The following IL2RA variants were observed in gnomAD, a reference collection of about 807,000 sequenced individuals.
The protein encoded by IL2RA is interleukin 2 receptor subunit alpha.
Under a neutral mutation model 37.8 loss-of-function variants are expected in IL2RA, and 24 were observed. The ratio of observed to expected loss-of-function variants is 0.63; its 90% CI spans 0.46 to 0.89. IL2RA has a LOEUF of 0.89. IL2RA is among the 40% of genes least tolerant of loss of function. IL2RA has a pLI of 0.00. For synonymous variants in IL2RA, 125 were observed against 114.6 expected (o/e 1.09, Z -0.58); for missense variants, 319 against 348.6 (o/e 0.92, Z 0.68).
At chr10:6,051,953 T>A (rs1839970453) in intron 1 of IL2RA, among the ~76,000 whole-genome samples, 1 of 150,614 alleles carries the variant, frequency 6.6e-6, no homozygotes, top group Non-Finnish European at 1.5e-5. Context: ...CTTTTAGGAT[T>A]GGAGAACGGT....
Position 6,028,866 on chromosome 10 carries a change from G to A in IL2RA, c.65-2841C>T, listed in dbSNP as rs1839526935. 6.6e-6 allele frequency among the ~76,000 whole-genome samples: 1 copy of A among 151,964 alleles called. No homozygotes were observed. The highest frequency in any genetic ancestry group is 6.6e-5 in the Admixed American group (1 of 15,260). On this transcript the variant is annotated intron_variant, in intron 1 of 7. Coordinates refer to ENST00000379959, the MANE Select transcript of IL2RA (RefSeq NM_000417.3). The surrounding 1 kb of genome is among the most constrained non-coding windows in gnomAD (Gnocchi z 4.1). ...TACAAAAGATCAGCCGAGTGTGGCAGCGCATGTCTGTAGTCCCAGGTACTT... is the reference window on the plus strand; with the variant it reads ...TACAAAAGATCAGCCGAGTGTGGCAACGCATGTCTGTAGTCCCAGGTACTT...
intron 2 of IL2RA, among the ~76,000 whole-genome samples, chr10:6,024,772 C>T (rs969524124): frequency 2.0e-5 from 3 of 152,198 alleles, no homozygotes; most frequent in Non-Finnish European, 4.4e-5. Flanking sequence ...ACACACTGAT[C>T]CTTTGCTCCC....
chr10:6,024,259 G>C lies in IL2RA; in HGVS notation c.352C>G (p.Gln118Glu), dbSNP rs1228843999. 2 of 1,610,540 alleles carry C rather than the reference G, an allele frequency of 1.2e-6. No individual in the cohort carries two copies. The highest frequency in any genetic ancestry group is 2.7e-5 in the African/African-American group (2 of 74,844). Reference sequence around the variant, plus strand: ...CATCTCTCACCTGGAAGGCTCGCTTGGTCCACTGGCTGCATTGGACTTTGC... The same window carrying C: ...CATCTCTCACCTGGAAGGCTCGCTTCGTCCACTGGCTGCATTGGACTTTGC... ...EMQSPMQPVD[Q>E]ASLPGHCREP... Residue 118 changes from glutamine to glutamate, a missense_variant, in exon 3 of 8, where the codon CAA (glutamine) becomes GAA (glutamate). By Grantham distance (29) the Gln-to-Glu change is conservative (BLOSUM62 2). Coordinates refer to ENST00000379959, the MANE Select transcript of IL2RA (RefSeq NM_000417.3).
rs768536539 is a variant in IL2RA at position 6,018,245 on chromosome 10, C to A, written c.728-126G>T. 6.8e-6 allele frequency: 5 copies of A among 737,504 alleles called. No individual in the cohort carries two copies. Among genetic ancestry groups the A allele is most frequent in the Non-Finnish European group, 1.2e-5 (5 of 409,044 alleles). 45.7% of individuals were successfully genotyped at this position (737,504 alleles called of 1,614,324 possible). A position where few individuals can be genotyped will look rare whatever the true frequency, so the allele number is the denominator to read the frequency against. On this transcript the variant is annotated intron_variant, in intron 6 of 7. Coordinates refer to ENST00000379959, the MANE Select transcript of IL2RA (RefSeq NM_000417.3). The surrounding 1 kb of genome is among the most constrained non-coding windows in gnomAD (Gnocchi z 5.1). ...AAGGCGGAGGCTGCAGCCTCTCTTCCCTGTCTCAGGAAGTAGGTCCCTCCC... is the reference window on the plus strand; with the variant it reads ...AAGGCGGAGGCTGCAGCCTCTCTTCACTGTCTCAGGAAGTAGGTCCCTCCC...
chr10:6,024,535 G>C (rs1839447628), intron 2 of IL2RA, among the ~76,000 whole-genome samples, 181 bp from the exon 3 acceptor site: 1 of 152,168 alleles, frequency 6.6e-6, no homozygotes, highest in South Asian at 2.1e-4. Flanking sequence ...CGGCCTCTGG[G>C]TATTCAAGTG....
At position 6,020,785 on chromosome 10, in the gene IL2RA, G is replaced by A. The variant is rs7900385; in HGVS notation, c.583+693C>T. Among the ~76,000 whole-genome samples, 18,708 of 152,100 alleles carry A rather than the reference G, an allele frequency of 0.12. 1,255 individuals carry two copies. The highest frequency in any genetic ancestry group is 0.16 in the Non-Finnish European group (10,592 of 67,988). On this transcript the variant is annotated intron_variant, in intron 4 of 7. Coordinates refer to ENST00000379959, the MANE Select transcript of IL2RA (RefSeq NM_000417.3). The surrounding 1 kb of genome is among the most constrained non-coding windows in gnomAD (Gnocchi z 5.6). ...TGACCTAAAGTGATCTGCCCGCCTT[G>A]GCCTCCCAGAGTGCTGGGATTACAG...
In IL2RA at chr10:6,021,651, T is replaced by G; in HGVS notation, c.410A>C (p.Glu137Ala). 6.2e-7 allele frequency: 1 copy of G among 1,614,100 alleles called. No homozygotes were observed. The highest frequency in any genetic ancestry group is 8.5e-7 in the Non-Finnish European group (1 of 1,180,006). The change falls in exon 4 of 8, where the codon GAG (glutamate) becomes GCG (alanine). Residue 137 changes from glutamate to alanine, a missense_variant. Transcript: ENST00000379959. The surrounding 1 kb of genome is among the most constrained non-coding windows in gnomAD (Gnocchi z 4.9). ...CCCCACCACGAAATGATAAATTCTC[T>G]CTGTGGCTTCATTTTCCCATGGTGG... Reference protein sequence around the residue: ...EPPPWENEATERIYHFVVGQM... With the variant: ...EPPPWENEATARIYHFVVGQM...
Position 6,018,248 on chromosome 10 carries a change from G to C in IL2RA, c.728-129C>G, listed in dbSNP as rs74162098. 280 of 722,074 alleles carry C rather than the reference G, an allele frequency of 3.9e-4. No individual in the cohort carries two copies. The highest frequency in any genetic ancestry group is 6.5e-4 in the Non-Finnish European group (256 of 396,390). The allele number at this position is 722,074 out of a possible 1,614,324, so 44.7% of individuals were successfully genotyped here. On this transcript the variant is annotated intron_variant, in intron 6 of 7. Coordinates refer to ENST00000379959, the MANE Select transcript of IL2RA (RefSeq NM_000417.3). This position sits in a 1 kb window ranked among gnomAD's most constrained non-coding sequence, Gnocchi z 5.1. ...GCGGAGGCTGCAGCCTCTCTTCCCT[G>C]TCTCAGGAAGTAGGTCCCTCCCCAT...
intron 1 of IL2RA, among the ~76,000 whole-genome samples, chr10:6,055,156 C>A (rs1022638632): frequency 6.6e-6 from 1 of 152,212 alleles, no homozygotes; most frequent in Non-Finnish European, 1.5e-5. Flanking sequence ...AACCCCTGAC[C>A]TCCCGAGTCA....
intron 1 of IL2RA, among the ~76,000 whole-genome samples, chr10:6,027,509 G>T (rs1839504537): frequency 6.6e-6 from 1 of 152,248 alleles, no homozygotes; most frequent in African/African-American, 2.4e-5. Flanking sequence ...TGGTGGGAAG[G>T]AGAAAGATGG....
In IL2RA at chr10:6,058,971, CA is replaced by C. The variant is rs775922910; in HGVS notation, c.64+3116del. On this transcript the variant is annotated intron_variant, in intron 1 of 7. Transcript: ENST00000379959. This position sits in a 1 kb window ranked among gnomAD's most constrained non-coding sequence, Gnocchi z 4.2. Reference sequence around the variant, plus strand: ...AGAATGAAAATCTGCCCTTATGAATCAGCTAGAAATTGCATCTGTTGACAGT... The same window carrying C: ...AGAATGAAAATCTGCCCTTATGAATCGCTAGAAATTGCATCTGTTGACAGT... Among the ~76,000 whole-genome samples the C allele has an allele frequency of 2.6e-5, 4 of 152,220 alleles. No individual in the cohort carries two copies. The highest frequency in any genetic ancestry group is 5.9e-5 in the Non-Finnish European group (4 of 68,046).
intron 1 of IL2RA, among the ~76,000 whole-genome samples, chr10:6,055,160 C>T (rs888153647): frequency 4.6e-5 from 7 of 152,312 alleles, no homozygotes; most frequent in Admixed American, 2.0e-4. Context: ...CCTGACCTCC[C>T]GAGTCAGAAT....
At chr10:6,037,703 C>T (rs923709580) in intron 1 of IL2RA, among the ~76,000 whole-genome samples, 8 of 152,122 alleles carry the variant, frequency 5.3e-5, no homozygotes, top group South Asian at 2.1e-4. Flanking sequence ...CCTCTTGTTC[C>T]GCTCACTGCC....
Position 6,014,911 on chromosome 10 carries a change from T to G in IL2RA, c.795-2015A>C, listed in dbSNP as rs1161309699. 6.6e-6 allele frequency among the ~76,000 whole-genome samples: 1 copy of G among 152,168 alleles called. No individual in the cohort carries two copies. The highest frequency in any genetic ancestry group is 1.5e-5 in the Non-Finnish European group (1 of 68,028). ...GAGATATTTTATTTTTCTCTCTGGC[T>G]GGGCTAAGGGCTTTGGTTTTGGGGG... On this transcript the variant is annotated intron_variant, in intron 7 of 7. Coordinates refer to ENST00000379959, the MANE Select transcript of IL2RA (RefSeq NM_000417.3). This position sits in a 1 kb window ranked among gnomAD's most constrained non-coding sequence, Gnocchi z 4.4.
intron 1 of IL2RA, among the ~76,000 whole-genome samples, chr10:6,027,243 T>C (rs1023025574): frequency 2.0e-5 from 3 of 152,062 alleles, no homozygotes; most frequent in Admixed American, 2.0e-4. Flanking sequence ...GGAGAATCAC[T>C]TGAACCCAGG....
In IL2RA at chr10:6,019,938, T is replaced by C. The variant is rs1839355890; in HGVS notation, c.587A>G (p.Glu196Gly). 6.2e-7 allele frequency: 1 copy of C among 1,612,520 alleles called. No homozygotes were observed. The highest frequency in any genetic ancestry group is 1.7e-5 in the Admixed American group (1 of 60,024). Residue 196 changes from glutamate (E) to glycine (G), a missense_variant, in exon 5 of 8, where the codon GAA becomes GGA. Glu to Gly is a moderately conservative substitution (Grantham distance 98, BLOSUM62 -2). Coordinates refer to ENST00000379959, the MANE Select transcript of IL2RA (RefSeq NM_000417.3). ...GEMETSQFPG[E>G]EKPQASPEGR... ...TTCGGGGCTTGCCTGAGGCTTCTCTTCACCTGGGGGAGAGAGTAAGTGATG... is the reference window on the plus strand; with the variant it reads ...TTCGGGGCTTGCCTGAGGCTTCTCTCCACCTGGGGGAGAGAGTAAGTGATG...
chr10:6,031,183 G>C (rs1236095478), intron 1 of IL2RA, among the ~76,000 whole-genome samples: 3 of 151,590 alleles, frequency 2.0e-5, no homozygotes, highest in Admixed American at 2.0e-4. Flanking sequence ...TTTCAGACTG[G>C]ATTAAACAGC....
rs12722606 is a variant in IL2RA, at chr10:6,011,170, G to A, written c.*1702C>T. 0.16 allele frequency: 25,064 copies of A among 152,340 alleles called. 2,747 individuals carry two copies. Among genetic ancestry groups the A allele is most frequent in the Middle Eastern group, 0.26 (75 of 292 alleles). The allele number at this position is 152,340 out of a possible 1,614,324, so 9.4% of individuals were successfully genotyped here. A position where few individuals can be genotyped will look rare whatever the true frequency, so the allele number is the denominator to read the frequency against. On this transcript the variant is annotated 3_prime_UTR_variant, in exon 8 of 8. Coordinates refer to ENST00000379959, the MANE Select transcript of IL2RA (RefSeq NM_000417.3). This position sits in a 1 kb window ranked among gnomAD's most constrained non-coding sequence, Gnocchi z 5.2. Reference sequence around the variant, plus strand: ...ATAGTTTCCCAAATGAATAATTTTCGTTAATGTTAATCGTGTGATGTTGTT... The same window carrying A: ...ATAGTTTCCCAAATGAATAATTTTCATTAATGTTAATCGTGTGATGTTGTT...
chr10:6,040,324 C>T (rs1231924667), intron 1 of IL2RA, among the ~76,000 whole-genome samples: 2 of 152,212 alleles, frequency 1.3e-5, no homozygotes, highest in East Asian at 3.8e-4. Context: ...ATTCTAAGAA[C>T]TATTTATGAG....
Sources: gnomAD v4.1 joint callset for allele counts (sites outside exome capture counted in the v4.1 genomes callset) on GRCh38, gnomAD v4.1.1 for gene constraint, Gnocchi (gnomAD v3.1) non-coding constraint, MANE v1.5 for transcripts, NCBI Gene and HGNC (gene_info 2026-07-23, HGNC 2026-07-21) for gene names.